The following EIF3L variants were observed in gnomAD, a reference collection of about 807,000 sequenced individuals.
EIF3L encodes the protein eIEF associated protein HSPC021.
A neutral mutation model predicts 74.6 loss-of-function variants in EIF3L; 32 were observed. The observed-to-expected ratio is 0.43, with a 90% CI of 0.32 to 0.58. The LOEUF is 0.58. Among genes scored for constraint, EIF3L ranks in the 20% least tolerant of loss-of-function variants. EIF3L has a pLI of 0.06. For synonymous variants in EIF3L, 256 were observed against 254.4 expected (o/e 1.01, Z -0.06); for missense variants, 474 against 707.8 (o/e 0.67, Z 3.75).
Position 37,875,971 on chromosome 22 carries a change from C to T in EIF3L, c.1037C>T (p.Thr346Ile). 1 of 1,614,080 alleles carries T rather than the reference C, an allele frequency of 6.2e-7. No individual in the cohort carries two copies. Among genetic ancestry groups the T allele is most frequent in the Non-Finnish European group, 8.5e-7 (1 of 1,180,008 alleles). ...AACATCCTCCTCTACATCCAGAGGACCAAGAGCATGTTCCAGAGGACCACG... is the reference window on the plus strand; with the variant it reads ...AACATCCTCCTCTACATCCAGAGGATCAAGAGCATGTTCCAGAGGACCACG... ...FANILLYIQR[T>I]KSMFQRTTYK... Residue 346 changes from threonine to isoleucine, a missense_variant, in exon 10 of 13, where the codon ACC becomes ATC. This residue lies in a region of EIF3L where 293 missense variants were observed against 469.1 expected (regional missense o/e 0.62). Coordinates refer to ENST00000652021, the MANE Select transcript of EIF3L (RefSeq NM_016091.4).
chr22:37,857,662 A>G lies in EIF3L; in HGVS notation c.374-1017A>G, dbSNP rs964815813. Among the ~76,000 whole-genome samples the G allele has an allele frequency of 3.3e-5, 5 of 151,774 alleles. No homozygotes were observed. In the East Asian group the frequency reaches 9.9e-4, roughly 30 times the overall value. On this transcript the variant is annotated intron_variant, in intron 4 of 12. Coordinates refer to ENST00000652021, the MANE Select transcript of EIF3L (RefSeq NM_016091.4). ...TGGGCTCAAGCAATTCTCCTGCCTC[A>G]GCCTCCCGAGTAGCTGGGATTACAG...
rs776478678 is a variant in EIF3L, at chr22:37,849,444, G to A, written c.-6G>A. The stretch of plus-strand genomic sequence containing the variant: ...CTTTCCGGCGGTGCTCGCAAGCGAG[G>A]CAGCCATGTCTTATCCCGCTGATGA... On this transcript the variant is annotated 5_prime_UTR_variant, in exon 1 of 13. Coordinates refer to ENST00000652021, the MANE Select transcript of EIF3L (RefSeq NM_016091.4). 2.9e-5 allele frequency: 46 copies of A among 1,613,658 alleles called. No individual in the cohort carries two copies. In the Middle Eastern group the frequency reaches 1.5e-3, roughly 52 times the overall value.
intron 2 of EIF3L, 31 bp downstream of exon 2, chr22:37,850,094 TC>T: frequency 6.2e-7 from 1 of 1,611,936 alleles, no homozygotes; most frequent in Non-Finnish European, 8.5e-7. Flanking sequence ...GGCTGAGTAC[TC>T]GTAGGGATCA....
At chr22:37,857,152 G>A (rs943620075) in intron 4 of EIF3L, among the ~76,000 whole-genome samples, 5 of 151,872 alleles carry the variant, frequency 3.3e-5, no homozygotes, top group Admixed American at 6.6e-5. Context: ...ACGAGGTCAG[G>A]AGATCGAGAC....
At chr22:37,861,712 C>G (rs1925867961) in intron 5 of EIF3L, among the ~76,000 whole-genome samples, 2 of 151,972 alleles carry the variant, frequency 1.3e-5, no homozygotes, top group African/African-American at 4.8e-5. Flanking sequence ...AGATTCCCTA[C>G]TACCATTGAT....
chr22:37,888,317 T>C, intron 12 of EIF3L, 109 bp from the exon 13 acceptor site: 1 of 1,195,768 alleles, frequency 8.4e-7, no homozygotes, highest in Non-Finnish European at 1.2e-6. Flanking sequence ...GAAACTTCCT[T>C]TCTTGGCTTC....
At chr22:37,861,683 CAA>C (rs3885503) in intron 5 of EIF3L, among the ~76,000 whole-genome samples, 8 of 127,760 alleles carry the variant, frequency 6.3e-5, no homozygotes, top group Admixed American at 8.0e-5. Context: ...GACTCCGTCT[CAA>C]AAAAAAAAAA....
chr22:37,855,317 A>G lies in EIF3L; in HGVS notation c.294-248A>G, dbSNP rs542683451. ...TAAATATGGCTATAGTTAATGATAC[A>G]GAGGCAGGAGATTATCCTGAAAAGC... On this transcript the variant is annotated intron_variant, in intron 3 of 12. Coordinates refer to ENST00000652021, the MANE Select transcript of EIF3L (RefSeq NM_016091.4). Among the ~76,000 whole-genome samples the G allele has an allele frequency of 3.9e-5, 6 of 152,332 alleles. No homozygotes were observed. In the East Asian group the frequency reaches 1.2e-3, roughly 29 times the overall value.
chr22:37,858,219 CTTTTTTTTTTTT>C (rs549425262), intron 4 of EIF3L, among the ~76,000 whole-genome samples: 12 of 85,084 alleles, frequency 1.4e-4, no homozygotes, highest in Admixed American at 6.3e-4. Context: ...TTCTTTCTTC[CTTTTTTTTTTTT>C]TTTTTTTTTT....
intron 3 of EIF3L, among the ~76,000 whole-genome samples, chr22:37,852,328 C>T (rs996162310): frequency 1.3e-5 from 2 of 152,186 alleles, no homozygotes; most frequent in Non-Finnish European, 2.9e-5. Context: ...AGTCATGTAG[C>T]TAGTTTAATG....
rs1926401392 is a variant in EIF3L at position 37,870,305 on chromosome 22, A to G, written c.709A>G (p.Lys237Glu). 6.2e-7 allele frequency: 1 copy of G among 1,613,098 alleles called. No individual in the cohort carries two copies. Among genetic ancestry groups the G allele is most frequent in the African/African-American group, 1.3e-5 (1 of 74,908 alleles). Residue 237 changes from lysine to glutamate, a missense_variant, in exon 8 of 13, where the codon AAA becomes GAA. Lys to Glu is a moderately conservative substitution (Grantham distance 56). Around this residue, in one of 4 missense-constraint regions of EIF3L, gnomAD observed 293 missense variants for 469.1 expected, o/e 0.62. Transcript: ENST00000652021. ...VLNVLHSLVD[K>E]SNINRQLEVY... is the part of the protein sequence containing the mutation. ...CAATGTCCTTCATTCCCTGGTAGAC[A>G]AATCCAACATCAACCGACAGTTGGA... is the stretch of plus-strand genomic sequence containing the variant.
intron 5 of EIF3L, among the ~76,000 whole-genome samples, chr22:37,861,705 T>A (rs2145811052): frequency 6.6e-6 from 1 of 151,874 alleles, no homozygotes; most frequent in East Asian, 1.9e-4. Flanking sequence ...AAAGTAAAGA[T>A]TCCCTACTAC....
chr22:37,866,449 C>G (rs1022308213), intron 7 of EIF3L, among the ~76,000 whole-genome samples: 7 of 152,076 alleles, frequency 4.6e-5, no homozygotes, highest in Admixed American at 4.6e-4. Context: ...ACGATACTTG[C>G]TTTTTAAGTT....
At chr22:37,857,658 C>G (rs2145804301) in intron 4 of EIF3L, among the ~76,000 whole-genome samples, 1 of 151,984 alleles carries the variant, frequency 6.6e-6, no homozygotes, top group Non-Finnish European at 1.5e-5. Flanking sequence ...AATTCTCCTG[C>G]CTCAGCCTCC....
Position 37,875,947 on chromosome 22 carries a change from A to G in EIF3L, c.1013A>G (p.Asn338Ser), listed in dbSNP as rs757521283. The change falls in exon 10 of 13, where the codon AAC (asparagine) becomes AGC (serine). Residue 338 changes from asparagine (N) to serine (S), a missense_variant. By Grantham distance (46) the Asn-to-Ser change is conservative. Coordinates refer to ENST00000652021, the MANE Select transcript of EIF3L (RefSeq NM_016091.4). ...CAGGATGCCATCCGGGTCTTCGCCA[A>G]CATCCTCCTCTACATCCAGAGGACC... Reference protein sequence around the residue: ...RYQDAIRVFANILLYIQRTKS... With the variant: ...RYQDAIRVFASILLYIQRTKS... 9.9e-6 allele frequency: 16 copies of G among 1,613,982 alleles called. No homozygotes were observed. The highest frequency in any genetic ancestry group is 1.7e-5 in the Admixed American group (1 of 59,980).
At chr22:37,849,960 GC>G in intron 1 of EIF3L, 54 bp from the exon 2 acceptor site, 1 of 1,598,586 alleles carries the variant, frequency 6.3e-7, no homozygotes, top group Non-Finnish European at 8.6e-7. Flanking sequence ...TCTAGGATGA[GC>G]GTTTTGAATT....
intron 11 of EIF3L, chr22:37,880,534 A>G (rs1306934819): frequency 6.6e-6 from 1 of 152,136 alleles, no homozygotes; most frequent in African/African-American, 2.4e-5. Flanking sequence ...CCTCCCAAGT[A>G]GCTGAGATTA....
At position 37,850,017 on chromosome 22, in the gene EIF3L, G is replaced by A. The variant is rs935189957; in HGVS notation, c.36G>A (p.Ala12=). The A allele has an allele frequency of 1.2e-6, 2 of 1,613,694 alleles. No homozygotes were observed. Among genetic ancestry groups the A allele is most frequent in the Non-Finnish European group, 1.7e-6 (2 of 1,179,810 alleles). The change falls in exon 2 of 13, where the codon GCG becomes GCA. Residue 12 remains alanine, a splice_region_variant and synonymous_variant. Transcript: ENST00000652021. The stretch of plus-strand genomic sequence containing the variant: ...TGACTGTGTCTCTTTCCTTCTAGGC[G>A]GCTTATGACCCCTACGCTTATCCCA... The part of the protein sequence containing the change: ...SYPADDYESE[A]AYDPYAYPSD...
chr22:37,849,685 C>T (rs965390016), intron 1 of EIF3L: 2 of 633,700 alleles, frequency 3.2e-6, no homozygotes, highest in Non-Finnish European at 2.7e-6. Context: ...ATTGGCTTGT[C>T]CTTCCCCTTT....
Sources: allele counts gnomAD v4.1 joint callset (sites outside exome capture counted in the v4.1 genomes callset), GRCh38; gene constraint gnomAD v4.1.1; regional missense constraint gnomAD v4.1.1; transcripts MANE v1.5; gene names NCBI Gene and HGNC (gene_info 2026-07-23, HGNC 2026-07-21).